ANKFN1: variants seen among roughly 807,000 people sequenced by gnomAD.
The protein encoded by ANKFN1 is ankyrin repeat and fibronectin type III domain containing 1, also known as ankyrin repeat and fibronectin type-III domain-containing protein 1.
A neutral mutation model predicts 108.7 loss-of-function variants in ANKFN1; 74 were observed. The observed-to-expected ratio is 0.68, with a 90% confidence interval of 0.56 to 0.83. The LOEUF (loss-of-function observed/expected upper bound fraction) is 0.83, where lower values mean the gene tolerates loss of function less well. Ranked by LOEUF, ANKFN1 falls within the 40% of genes least tolerant of loss-of-function variation. The pLI, the probability that ANKFN1 is intolerant of heterozygous loss-of-function variation, is 0.00. For synonymous variants in ANKFN1, 547 were observed against 516.2 expected (o/e 1.06, Z -0.81); for missense variants, 1,505 against 1,382.3 (o/e 1.09, Z -1.41).
intron 18 of ANKFN1, 64 bp downstream of exon 18, chr17:56,482,588 A>G (rs1314628856): frequency 1.3e-6 from 2 of 1,559,072 alleles, no homozygotes; most frequent in African/African-American, 1.4e-5. Flanking sequence ...TCACAAAGTT[A>G]TATCTGTTCC....
intron 4 of ANKFN1, among the ~76,000 whole-genome samples, chr17:56,105,738 T>C (rs954829316): frequency 3.3e-5 from 5 of 150,850 alleles, no homozygotes; most frequent in Admixed American, 6.6e-5. Context: ...TGTGTGTGTG[T>C]GTATGAGACA....
At chr17:56,054,770 C>T (rs970539463) in intron 4 of ANKFN1, among the ~76,000 whole-genome samples, 20 of 151,954 alleles carry the variant, frequency 1.3e-4, no homozygotes, top group African/African-American at 1.9e-4. Flanking sequence ...GAATTAGTCC[C>T]GGCTACTCAG....
chr17:56,469,900 C>T (rs1480740268), intron 15 of ANKFN1, among the ~76,000 whole-genome samples: 2 of 151,980 alleles, frequency 1.3e-5, no homozygotes, highest in Non-Finnish European at 2.9e-5. Flanking sequence ...AGATATTAAG[C>T]CCAGCATGCA....
At chr17:56,487,082 A>T (rs1360519847) in intron 18 of ANKFN1, among the ~76,000 whole-genome samples, 2 of 152,192 alleles carry the variant, frequency 1.3e-5, no homozygotes, top group South Asian at 2.1e-4. Flanking sequence ...CCCACAGGCT[A>T]TTCCTTCACA....
chr17:56,383,870 T>A (rs374669836), intron 8 of ANKFN1, among the ~76,000 whole-genome samples: 2 of 152,198 alleles, frequency 1.3e-5, no homozygotes, highest in Non-Finnish European at 2.9e-5. Context: ...CAGGACCAGA[T>A]GGATTCACAG....
intron 19 of ANKFN1, among the ~76,000 whole-genome samples, chr17:56,496,931 T>A (rs2051218510): frequency 6.6e-6 from 1 of 152,118 alleles, no homozygotes; most frequent in Admixed American, 6.5e-5. Flanking sequence ...TACTTAATCC[T>A]TATAATAACT....
chr17:56,335,273 G>A (rs986784487), intron 4 of ANKFN1, among the ~76,000 whole-genome samples: 3 of 152,114 alleles, frequency 2.0e-5, no homozygotes, highest in Non-Finnish European at 4.4e-5. Flanking sequence ...TTGGTAGCTT[G>A]GTGGGGATGG....
intron 4 of ANKFN1, among the ~76,000 whole-genome samples, chr17:56,100,667 C>G (rs1316768302): frequency 6.6e-6 from 1 of 152,166 alleles, no homozygotes; most frequent in Non-Finnish European, 1.5e-5. Flanking sequence ...AGTAGGGTAA[C>G]AGAGACTTAG....
At chr17:56,179,346 A>G (rs937890846) in intron 1 of ANKFN1, among the ~76,000 whole-genome samples, 4 of 152,202 alleles carry the variant, frequency 2.6e-5, no homozygotes, top group Admixed American at 2.0e-4. Flanking sequence ...AGCCAGGAGA[A>G]ATAGGCCAGG....
chr17:56,138,571 A>G (rs1907729891), intron 4 of ANKFN1, among the ~76,000 whole-genome samples: 1 of 148,104 alleles, frequency 6.8e-6, no homozygotes, highest in Non-Finnish European at 1.5e-5. Flanking sequence ...TTGCAGTGGC[A>G]TGATCTCGGC....
chr17:56,296,093 G>A lies in ANKFN1; in HGVS notation c.54-30128G>A, dbSNP rs140711325. Among the ~76,000 whole-genome samples the A allele has an allele frequency of 1.7e-3, 252 of 151,692 alleles. 1 individual carries two copies. Among genetic ancestry groups the A allele is most frequent in the African/African-American group, 6.0e-3 (248 of 41,304 alleles). On this transcript the variant is annotated intron_variant, in intron 3 of 20. Coordinates refer to ENST00000682825, the MANE Select transcript of ANKFN1 (RefSeq NM_001370326.1). ...AATTCAGGTTTTTTTTTCAAATTAA[G>A]GTAGTAGCTTCTATTATTGAAACCT...
In ANKFN1 at chr17:56,444,864, T is replaced by C. The variant is rs571663966; in HGVS notation, c.1099+1931T>C. On this transcript the variant is annotated intron_variant, in intron 10 of 20. Transcript: ENST00000682825. ...AATTGGTCATCTGGCATGTCTCCGA[T>C]GCTACAGTAACTAGTGCCCTGCTAT... Among the ~76,000 whole-genome samples, 3 of 152,288 alleles carry C rather than the reference T, an allele frequency of 2.0e-5. No homozygotes were observed. The East Asian group carries it at 5.8e-4, about 29-fold the overall frequency.
chr17:56,261,634 G>A (rs2144123643), intron 3 of ANKFN1, among the ~76,000 whole-genome samples: 1 of 152,248 alleles, frequency 6.6e-6, no homozygotes, highest in Non-Finnish European at 1.5e-5. Context: ...GAAGAACTTG[G>A]AGTCCCATGT....
At chr17:56,322,758 G>C (rs946271195) in intron 3 of ANKFN1, among the ~76,000 whole-genome samples, 3 of 152,218 alleles carry the variant, frequency 2.0e-5, no homozygotes, top group African/African-American at 7.2e-5. Flanking sequence ...GTTACAGAAA[G>C]AAGTAATAAT....
At chr17:56,324,918 C>T (rs2045473160) in intron 3 of ANKFN1, among the ~76,000 whole-genome samples, 1 of 152,174 alleles carries the variant, frequency 6.6e-6, no homozygotes. Context: ...GAACAGACAC[C>T]TGTTGGGGGT....
In ANKFN1 at chr17:56,257,057, A is replaced by C. The variant is rs142255632; in HGVS notation, c.53+29100A>C. On this transcript the variant is annotated intron_variant, in intron 3 of 20. Transcript: ENST00000682825. ...CACTTAACTCACTTAACTGTGGGTT[A>C]TTGATTTAAAATAGCAATATTGTGA... Among the ~76,000 whole-genome samples the C allele has an allele frequency of 1.4e-3, 218 of 152,330 alleles. 1 individual carries two copies. Among genetic ancestry groups the C allele is most frequent in the African/African-American group, 5.0e-3 (207 of 41,572 alleles).
chr17:56,462,659 T>C (rs879747925), intron 14 of ANKFN1, among the ~76,000 whole-genome samples: 45 of 152,216 alleles, frequency 3.0e-4, no homozygotes, highest in Non-Finnish European at 5.9e-4. Context: ...CATAGTTTGA[T>C]TGGCATCAAC....
At chr17:56,065,729 A>G (rs1342424830) in intron 4 of ANKFN1, among the ~76,000 whole-genome samples, 1 of 152,224 alleles carries the variant, frequency 6.6e-6, no homozygotes, top group Non-Finnish European at 1.5e-5. Flanking sequence ...TGTCTCATAT[A>G]GTGATGGTTC....
At chr17:56,258,968 T>C (rs1377976841) in intron 3 of ANKFN1, among the ~76,000 whole-genome samples, 1 of 152,070 alleles carries the variant, frequency 6.6e-6, no homozygotes, top group Non-Finnish European at 1.5e-5. Context: ...ATGGTACAGG[T>C]GTTCCTTTGC....
Sources: gnomAD v4.1 joint callset for allele counts (sites outside exome capture counted in the v4.1 genomes callset) on GRCh38, gnomAD v4.1.1 for gene constraint, MANE v1.5 for transcripts, NCBI Gene and HGNC (gene_info 2026-07-23, HGNC 2026-07-21) for gene names.